The following CDH23 variants were observed in gnomAD, a reference collection of about 807,000 sequenced individuals.
CDH23 encodes the protein cadherin related 23.
A neutral mutation model predicts 317.1 loss-of-function variants in CDH23; 189 were observed. The observed-to-expected ratio is 0.60, with a 90% CI of 0.53 to 0.67. The LOEUF (loss-of-function observed/expected upper bound fraction) is 0.67, where lower values mean the gene tolerates loss of function less well. CDH23 is among the 30% of genes least tolerant of loss of function. The probability of loss-of-function intolerance (pLI) is 0.00; values close to 1 mark genes in which losing one functional copy is unlikely to be tolerated. For missense variants in CDH23, 4,401 were observed against 4,592.4 expected (o/e 0.96, Z 1.20); for synonymous variants, 1,839 against 1,876.8 (o/e 0.98, Z 0.52).
intron 3 of CDH23, among the ~76,000 whole-genome samples, chr10:71,501,416 T>C (rs1175954115): frequency 6.6e-6 from 1 of 152,128 alleles, no homozygotes; most frequent in East Asian, 1.9e-4. Flanking sequence ...GTAGAGATGG[T>C]TCCTTTGACC....
chr10:71,645,216 C>T (rs1026770803), intron 12 of CDH23, among the ~76,000 whole-genome samples: 1 of 152,246 alleles, frequency 6.6e-6, no homozygotes, highest in African/African-American at 2.4e-5. Flanking sequence ...CCACCCTGTG[C>T]TCAGTCTGGG....
intron 8 of CDH23, among the ~76,000 whole-genome samples, chr10:71,573,797 C>T (rs1857978497): frequency 1.3e-5 from 2 of 152,216 alleles, no homozygotes; most frequent in Non-Finnish European, 2.9e-5. Flanking sequence ...GGGTTTCAGA[C>T]CCTCCAGCCT....
At chr10:71,418,383 A>G (rs1046764038) in intron 1 of CDH23, among the ~76,000 whole-genome samples, 2 of 152,190 alleles carry the variant, frequency 1.3e-5, no homozygotes, top group South Asian at 2.1e-4. Flanking sequence ...TCGGTTAGTC[A>G]TTGTAATGCT....
intron 38 of CDH23, among the ~76,000 whole-genome samples, chr10:71,767,383 C>G (rs1042006530): frequency 6.6e-6 from 1 of 152,238 alleles, no homozygotes; most frequent in Non-Finnish European, 1.5e-5. Flanking sequence ...AAGCCCCACC[C>G]AAACAGCTGA....
intron 11 of CDH23, among the ~76,000 whole-genome samples, chr10:71,641,993 G>A (rs1338745581): frequency 2.6e-5 from 4 of 152,186 alleles, no homozygotes; most frequent in Non-Finnish European, 5.9e-5. Context: ...CTACTCGGGA[G>A]CCTGAGGTGT....
At chr10:71,784,534 G>C in intron 42 of CDH23, 114 bp downstream of exon 42, 1 of 1,372,198 alleles carries the variant, frequency 7.3e-7, no homozygotes, top group South Asian at 1.4e-5. Flanking sequence ...CTGCCCTGGA[G>C]CCAGGCCAGG....
chr10:71,530,315 CTCTG>C (rs1009897836), intron 6 of CDH23, among the ~76,000 whole-genome samples: 4 of 152,214 alleles, frequency 2.6e-5, no homozygotes, highest in Non-Finnish European at 5.9e-5. Flanking sequence ...CCTTTCCCGG[CTCTG>C]TCTGGCCAGC....
At chr10:71,739,284 C>T (rs1715940519) in intron 35 of CDH23, among the ~76,000 whole-genome samples, 2 of 152,238 alleles carry the variant, frequency 1.3e-5, no homozygotes, top group Admixed American at 6.5e-5. Context: ...TCAAGGTTGC[C>T]GTAAGAACCA....
At chr10:71,657,900 G>A (rs55850391) in intron 14 of CDH23, among the ~76,000 whole-genome samples, 23,611 of 150,364 alleles carry the variant, frequency 0.16, 2,280 homozygotes, top group Non-Finnish European at 0.22. Flanking sequence ...GAAGAGGGAG[G>A]CTAAATAGAG....
At chr10:71,784,178 C>A (rs1841033383) in intron 41 of CDH23, 109 bp from the exon 42 acceptor site, 3 of 1,253,554 alleles carry the variant, frequency 2.4e-6, no homozygotes, top group Non-Finnish European at 3.3e-6. Context: ...CCCCAGCTGT[C>A]CCCCACCTGT....
chr10:71,562,962 C>A (rs56168859), intron 6 of CDH23, among the ~76,000 whole-genome samples: 1 of 152,222 alleles, frequency 6.6e-6, no homozygotes, highest in South Asian at 2.1e-4. Flanking sequence ...CAGGCCCCAC[C>A]TGATTGGCAT....
At position 71,725,614 on chromosome 10, in the gene CDH23, C is replaced by G. The variant is rs1805533839; in HGVS notation, c.3579+94C>G. ...GCCATTAGTTGGCGCCTGGTGTGGGCAGGGCCACCACTGATTTAGGTGCTG... is the reference window on the plus strand; with the variant it reads ...GCCATTAGTTGGCGCCTGGTGTGGGGAGGGCCACCACTGATTTAGGTGCTG... On this transcript the variant is annotated intron_variant, in intron 30 of 69. Coordinates refer to ENST00000224721, the MANE Select transcript of CDH23 (RefSeq NM_022124.6). 3 of 1,392,938 alleles carry G rather than the reference C, an allele frequency of 2.2e-6. No homozygotes were observed. The East Asian group carries it at 7.5e-5, about 35-fold the overall frequency. 86.3% of individuals were successfully genotyped at this position (1,392,938 alleles called of 1,614,324 possible). A position where few individuals can be genotyped will look rare whatever the true frequency, so the allele number is the denominator to read the frequency against.
chr10:71,661,864 TGCACGTCCCCTCCCACCCA>T (rs1564716834), intron 14 of CDH23, among the ~76,000 whole-genome samples: 1 of 50,846 alleles, frequency 2.0e-5, no homozygotes, highest in Non-Finnish European at 4.4e-5. Flanking sequence ...CCTCCCACCC[TGCACGTCCCCTCCCACCCA>T]GCGCGCCCCC....
At chr10:71,452,681 G>A (rs75561160) in intron 3 of CDH23, among the ~76,000 whole-genome samples, 7,806 of 152,142 alleles carry the variant, frequency 0.051, 283 homozygotes, top group South Asian at 0.13. Flanking sequence ...CTCCCCATTG[G>A]TCTATTAATT....
rs1258973916 is a variant in CDH23, at chr10:71,439,885, C to A, written c.54C>A (p.Ile18=). The A allele has an allele frequency of 6.4e-7, 1 of 1,574,520 alleles. No homozygotes were observed. Among genetic ancestry groups the A allele is most frequent in the Non-Finnish European group, 8.6e-7 (1 of 1,158,842 alleles). The change falls in exon 2 of 70, where the codon ATC becomes ATA. Residue 18 remains isoleucine, a synonymous_variant. Coordinates refer to ENST00000224721, the MANE Select transcript of CDH23 (RefSeq NM_022124.6). ...SCHVAWLLVL[I]SGCWGQVNRL... ...ACGTGGCCTGGCTTTTGGTGCTGATCTCTGGATGCTGGGGTAAGTCCAGTC... is the reference window on the plus strand; with the variant it reads ...ACGTGGCCTGGCTTTTGGTGCTGATATCTGGATGCTGGGGTAAGTCCAGTC...
At chr10:71,762,495 G>A (rs552709387) in intron 38 of CDH23, among the ~76,000 whole-genome samples, 30 of 152,380 alleles carry the variant, frequency 2.0e-4, no homozygotes, top group Non-Finnish European at 4.0e-4. Context: ...GAGCACCTGC[G>A]TGTGCAAGGC....
At chr10:71,556,957 C>G (rs1286686136) in intron 6 of CDH23, among the ~76,000 whole-genome samples, 1 of 152,152 alleles carries the variant, frequency 6.6e-6, no homozygotes, top group Non-Finnish European at 1.5e-5. Context: ...AGCATGCACC[C>G]TACTCTTAAC....
At chr10:71,619,847 C>T (rs1007111005) in intron 11 of CDH23, among the ~76,000 whole-genome samples, 1 of 152,190 alleles carries the variant, frequency 6.6e-6, no homozygotes, top group Non-Finnish European at 1.5e-5. Flanking sequence ...GCAGCACAAG[C>T]TCTGGAGTCA....
rs200703009 is a variant in CDH23 at position 71,801,207 on chromosome 10, G to T, written c.7482+452G>T. Among the ~76,000 whole-genome samples the T allele has an allele frequency of 7.3e-5, 10 of 136,180 alleles. No homozygotes were observed. The East Asian group carries it at 1.9e-3, about 26-fold the overall frequency. 89.3% of individuals were successfully genotyped at this position (136,180 alleles called of 152,430 possible). On this transcript the variant is annotated intron_variant, in intron 53 of 69. Coordinates refer to ENST00000224721, the MANE Select transcript of CDH23 (RefSeq NM_022124.6). The stretch of plus-strand genomic sequence containing the variant: ...TTTCACTCTTGTTGCCCAGGCTGGA[G>T]TGCAATGGCGTGATCCGGCTCACCA...
Sources: allele counts gnomAD v4.1 joint callset (sites outside exome capture counted in the v4.1 genomes callset), GRCh38; gene constraint gnomAD v4.1.1; transcripts MANE v1.5; gene names NCBI Gene and HGNC (gene_info 2026-07-23, HGNC 2026-07-21).